Variants in TLCD4 observed in about 807,000 individuals in gnomAD.
TLCD4 encodes the protein TLC domain containing 4, also known as TLC domain-containing protein 4.
Under a neutral mutation model 24.2 loss-of-function variants are expected in TLCD4, and 7 were observed. That is an observed-to-expected ratio of 0.29 (90% CI 0.16 to 0.54). The LOEUF is 0.54. Ranked by LOEUF, TLCD4 falls within the 20% of genes least tolerant of loss-of-function variation. The probability of loss-of-function intolerance (pLI) is 0.95; values close to 1 mark genes in which losing one functional copy is unlikely to be tolerated. For synonymous variants in TLCD4, 103 were observed against 106.4 expected, an observed-to-expected ratio of 0.97 and a Z score of 0.20; for missense variants, 259 against 313.9, an observed-to-expected ratio of 0.82 and a Z score of 1.32.
chr1:95,171,669 A>G (rs1678230550), intron 5 of TLCD4, among the ~76,000 whole-genome samples: 1 of 152,202 alleles, frequency 6.6e-6, no homozygotes, highest in Non-Finnish European at 1.5e-5. Context: ...TTTTATATAT[A>G]TTAGTATATA....
At chr1:95,151,519 A>G in intron 5 of TLCD4, 100 bp downstream of exon 5, 2 of 1,387,810 alleles carry the variant, frequency 1.4e-6, no homozygotes, top group South Asian at 1.4e-5. Flanking sequence ...TAGTTTTTAA[A>G]GACCATCTCC....
chr1:95,149,956 G>C (rs1677447518), intron 3 of TLCD4, among the ~76,000 whole-genome samples: 2 of 152,052 alleles, frequency 1.3e-5, no homozygotes, highest in Admixed American at 1.3e-4. Context: ...TTCACTAGTA[G>C]TTCACTTTGT....
chr1:95,150,741 A>G, intron 4 of TLCD4, among the ~76,000 whole-genome samples: 1 of 151,542 alleles, frequency 6.6e-6, no homozygotes, highest in East Asian at 1.9e-4. Context: ...ATTAGTATTT[A>G]ATTGCATTCT....
At chr1:95,108,525 T>G in the TLCD4 span, among the ~76,000 whole-genome samples, 11 of 152,298 alleles carry the variant, frequency 7.2e-5, no homozygotes, top group Admixed American at 2.6e-4. Context: ...GGTCTCACTA[T>G]GTTGCCCAGG....
At chr1:95,153,633 G>A (rs984279417) in intron 5 of TLCD4, among the ~76,000 whole-genome samples, 1 of 152,112 alleles carries the variant, frequency 6.6e-6, no homozygotes, top group East Asian at 1.9e-4. Flanking sequence ...CAATTCACAC[G>A]TAGTTTGCCC....
chr1:95,142,619 T>C (rs1415563125), intron 1 of TLCD4, among the ~76,000 whole-genome samples: 1 of 152,110 alleles, frequency 6.6e-6, no homozygotes, highest in Non-Finnish European at 1.5e-5. Flanking sequence ...AGGTTTCCCA[T>C]TGGCCACTTG....
the TLCD4 span, among the ~76,000 whole-genome samples, chr1:95,111,714 G>A: frequency 1.3e-5 from 2 of 152,206 alleles, no homozygotes; most frequent in Non-Finnish European, 2.9e-5. Context: ...GGCAGGGGCA[G>A]GGCACAGGCT....
intron 1 of TLCD4, among the ~76,000 whole-genome samples, chr1:95,133,356 C>T (rs1676951243): frequency 6.7e-6 from 1 of 149,224 alleles, no homozygotes; most frequent in African/African-American, 2.5e-5. Context: ...GCACGTTGTG[C>T]ACATGTACCC....
intron 1 of TLCD4, among the ~76,000 whole-genome samples, chr1:95,131,058 T>C (rs919062918): frequency 1.3e-5 from 2 of 152,200 alleles, no homozygotes; most frequent in East Asian, 3.8e-4. Context: ...ATAACTGTTT[T>C]ATTTAACATA....
chr1:95,144,067 T>C lies in TLCD4; in HGVS notation c.155+11T>C. ...TGAATGGAACTCAAGGTAAAGCATA[T>C]GAAAATGTAATTGATGACAAGAAAC... On this transcript the variant is annotated intron_variant, in intron 2 of 6. Coordinates refer to ENST00000370203, the MANE Select transcript of TLCD4 (RefSeq NM_152487.3). 2 of 1,455,430 alleles carry C rather than the reference T, an allele frequency of 1.4e-6. No individual in the cohort carries two copies. Among genetic ancestry groups the C allele is most frequent in the Non-Finnish European group, 1.8e-6 (2 of 1,103,518 alleles). 90.2% of individuals were successfully genotyped at this position (1,455,430 alleles called of 1,614,324 possible). A position where few individuals can be genotyped will look rare whatever the true frequency, so the allele number is the denominator to read the frequency against.
chr1:95,152,430 T>A (rs1175301496), intron 5 of TLCD4, among the ~76,000 whole-genome samples: 4 of 152,242 alleles, frequency 2.6e-5, no homozygotes, highest in Non-Finnish European at 5.9e-5. Context: ...GCACTTTGAC[T>A]TAATACTTAT....
the TLCD4 span, among the ~76,000 whole-genome samples, chr1:95,103,797 T>C: frequency 2.6e-5 from 4 of 152,244 alleles, no homozygotes; most frequent in Non-Finnish European, 5.9e-5. Flanking sequence ...ATTTACACAA[T>C]TGTTTTCAAA....
intron 5 of TLCD4, among the ~76,000 whole-genome samples, chr1:95,154,152 T>G (rs759689462): frequency 6.6e-6 from 1 of 152,166 alleles, no homozygotes; most frequent in Non-Finnish European, 1.5e-5. Context: ...TGCACCTGTT[T>G]TGTTGAAATG....
upstream of TLCD4, among the ~76,000 whole-genome samples, chr1:95,115,353 C>T (rs1290626164): frequency 2.6e-5 from 4 of 152,130 alleles, no homozygotes; most frequent in Admixed American, 6.5e-5. Context: ...GGTGATCTGC[C>T]CGCCTCAGCC....
Position 95,117,388 on chromosome 1 carries a change from T to G in TLCD4, c.-241T>G, listed in dbSNP as rs987433432. Reference sequence around the variant, plus strand: ...GCTCTGCGGTAACCCGAGCCCGCAGTCCGGGCGGGCGCGACGGCCGCCGCG... The same window carrying G: ...GCTCTGCGGTAACCCGAGCCCGCAGGCCGGGCGGGCGCGACGGCCGCCGCG... On this transcript the variant is annotated 5_prime_UTR_variant, in exon 1 of 7. Coordinates refer to ENST00000370203, the MANE Select transcript of TLCD4 (RefSeq NM_152487.3). 6.5e-4 allele frequency: 99 copies of G among 152,162 alleles called. No individual in the cohort carries two copies. The highest frequency in any genetic ancestry group is 2.3e-3 in the African/African-American group (97 of 41,532). The allele number at this position is 152,162 out of a possible 1,614,324, so 9.4% of individuals were successfully genotyped here.
At chr1:95,126,921 G>A (rs1337069324) in intron 1 of TLCD4, among the ~76,000 whole-genome samples, 1 of 152,206 alleles carries the variant, frequency 6.6e-6, no homozygotes, top group Non-Finnish European at 1.5e-5. Flanking sequence ...ACTCCACCTC[G>A]GGATTGGGGG....
intron 1 of TLCD4, among the ~76,000 whole-genome samples, chr1:95,138,914 A>G (rs1346888224): frequency 6.6e-6 from 1 of 151,326 alleles, no homozygotes; most frequent in Non-Finnish European, 1.5e-5. Context: ...TGGACTAGGC[A>G]TGGTGGCTCA....
intron 1 of TLCD4, among the ~76,000 whole-genome samples, chr1:95,130,999 C>G (rs11165317): frequency 0.048 from 7,302 of 152,240 alleles, 324 homozygotes; most frequent in East Asian, 0.21. Context: ...AACAAGGAAT[C>G]TATAACACTA....
intron 5 of TLCD4, among the ~76,000 whole-genome samples, chr1:95,155,047 G>A (rs1476966504): frequency 6.6e-6 from 1 of 151,890 alleles, no homozygotes; most frequent in East Asian, 1.9e-4. Flanking sequence ...GTGTAGTATA[G>A]TAGGGAAAGG....
Sources: gnomAD v4.1 joint callset for allele counts (sites outside exome capture counted in the v4.1 genomes callset) on GRCh38, gnomAD v4.1.1 for gene constraint, MANE v1.5 for transcripts, NCBI Gene and HGNC (gene_info 2026-07-23, HGNC 2026-07-21) for gene names.